Variants in OR4N2 observed in about 807,000 individuals in gnomAD.
OR4N2 encodes olfactory receptor family 4 subfamily N member 2.
For synonymous variants in OR4N2, 141 were observed against 140.4 expected (o/e 1.00, Z -0.03); for missense variants, 307 against 377.6 (o/e 0.81, Z 1.55).
intron 1 of OR4N2, among the ~76,000 whole-genome samples, chr14:19,808,206 T>A (rs1223405799): frequency 6.6e-6 from 1 of 152,196 alleles, no homozygotes; most frequent in Non-Finnish European, 1.5e-5. Context: ...CCACTCTTCT[T>A]CAATATAGGA....
rs1293120818 is a variant in OR4N2, at chr14:19,829,256, T to C, written c.*884T>C. Reference sequence around the variant, plus strand: ...TTTTCTAGAGCTTCATGATTACTCCTAGCAAATTTTTATGACTTTTAGCTG... The same window carrying C: ...TTTTCTAGAGCTTCATGATTACTCCCAGCAAATTTTTATGACTTTTAGCTG... On this transcript the variant is annotated 3_prime_UTR_variant, in exon 2 of 2. Coordinates refer to ENST00000557677, the MANE Select transcript of OR4N2 (RefSeq NM_001004723.3). 1 of 152,258 alleles carries C rather than the reference T, an allele frequency of 6.6e-6. No individual in the cohort carries two copies. Among genetic ancestry groups the C allele is most frequent in the Non-Finnish European group, 1.5e-5 (1 of 68,044 alleles). The allele number at this position is 152,258 out of a possible 1,614,324, so 9.4% of individuals were successfully genotyped here.
chr14:19,819,405 A>G (rs1269055339), intron 1 of OR4N2, among the ~76,000 whole-genome samples: 3 of 152,046 alleles, frequency 2.0e-5, no homozygotes, highest in Non-Finnish European at 4.4e-5. Context: ...TTTTTCTCCA[A>G]TCTTGTCGTC....
chr14:19,805,112 T>C (rs1879131081), intron 1 of OR4N2, among the ~76,000 whole-genome samples: 1 of 152,196 alleles, frequency 6.6e-6, no homozygotes, highest in South Asian at 2.1e-4. Flanking sequence ...GGGTCTCTTG[T>C]AGAGAGAATA....
At chr14:19,819,947 G>A (rs1382587931) in intron 1 of OR4N2, among the ~76,000 whole-genome samples, 1 of 152,270 alleles carries the variant, frequency 6.6e-6, no homozygotes, top group Non-Finnish European at 1.5e-5. Flanking sequence ...AGGCCCCTCT[G>A]CTGCAGGTCT....
rs2138486701 is a variant in OR4N2 at position 19,828,803 on chromosome 14, C to G, written c.*431C>G. On this transcript the variant is annotated 3_prime_UTR_variant, in exon 2 of 2. Coordinates refer to ENST00000557677, the MANE Select transcript of OR4N2 (RefSeq NM_001004723.3). ...ATCTAGACGGAGGGCACAGGTAGTG[C>G]AAAAACTCAAAGATGATGATGAACT... is the stretch of plus-strand genomic sequence containing the variant. 1 of 167,346 alleles carries G rather than the reference C, an allele frequency of 6.0e-6. No homozygotes were observed. Among genetic ancestry groups the G allele is most frequent in the South Asian group, 1.4e-4 (1 of 7,044 alleles). The allele number at this position is 167,346 out of a possible 1,614,324, so 10.4% of individuals were successfully genotyped here.
rs1594396138 is a variant in OR4N2 at position 19,814,266 on chromosome 14, G to A, written c.-10+10422G>A. ...CTTGTTTTAGTTGAGCAGAGTGAAA[G>A]TGAACAAATTACAAATACCAAGATC... On this transcript the variant is annotated intron_variant, in intron 1 of 1. Coordinates refer to ENST00000557677, the MANE Select transcript of OR4N2 (RefSeq NM_001004723.3). 2.6e-5 allele frequency among the ~76,000 whole-genome samples: 4 copies of A among 152,210 alleles called. No homozygotes were observed. In the South Asian group the frequency reaches 8.3e-4, roughly 31 times the overall value.
chr14:19,826,913 A>C (rs1261782642), intron 1 of OR4N2, among the ~76,000 whole-genome samples: 4 of 152,264 alleles, frequency 2.6e-5, no homozygotes, highest in African/African-American at 9.6e-5. Context: ...GAAGTAAATT[A>C]GATGATAAGA....
rs776583480 is a variant in OR4N2 at position 19,828,015 on chromosome 14, C to T, written c.567C>T (p.Cys189=). The change falls in exon 2 of 2, where the codon TGC becomes TGT. Residue 189 remains cysteine, a synonymous_variant. Transcript: ENST00000557677. ...TCCCACAGGTCATCAAGCTGGCCTG[C>T]ACCGACACATTTGTGGTGGAGCTTC... is the stretch of plus-strand genomic sequence containing the variant. ...CDVPQVIKLA[C]TDTFVVELLM... The T allele has an allele frequency of 1.2e-6, 2 of 1,614,260 alleles. No individual in the cohort carries two copies. Among genetic ancestry groups the T allele is most frequent in the Admixed American group, 3.3e-5 (2 of 60,028 alleles).
chr14:19,821,968 G>A (rs1701485220), intron 1 of OR4N2: 1 of 152,236 alleles, frequency 6.6e-6, no homozygotes, highest in Non-Finnish European at 1.5e-5. Context: ...AGTAACATAA[G>A]ATCCCTGAAG....
At chr14:19,827,313 G>A (rs1363716331) in intron 1 of OR4N2, 127 bp from the exon 2 acceptor site, 2 of 798,098 alleles carry the variant, frequency 2.5e-6, no homozygotes, top group African/African-American at 3.5e-5. Flanking sequence ...CCCAGAATAG[G>A]AGAGGGATGG....
intron 1 of OR4N2, among the ~76,000 whole-genome samples, chr14:19,811,214 A>G (rs1187495468): frequency 6.6e-6 from 1 of 152,246 alleles, no homozygotes; most frequent in Non-Finnish European, 1.5e-5. Flanking sequence ...ACAAGGAAAG[A>G]TGATTTCTCA....
In OR4N2 at chr14:19,827,630, T is replaced by A. The variant is rs1438814828; in HGVS notation, c.182T>A (p.Phe61Tyr). 5 of 1,614,012 alleles carry A rather than the reference T, an allele frequency of 3.1e-6. No homozygotes were observed. The African/African-American group carries it at 6.7e-5, about 22-fold the overall frequency. ...SDPGLTAPLY[F>Y]FLGNLAFLDA... ...CCTGGGCTCACAGCCCCCCTCTATT[T>A]CTTTCTGGGCAACTTGGCCTTCCTG... is the stretch of plus-strand genomic sequence containing the variant. Residue 61 changes from phenylalanine to tyrosine, a missense_variant, in exon 2 of 2, where the codon TTC (phenylalanine) becomes TAC (tyrosine). Phe to Tyr is a conservative substitution (Grantham distance 22). Transcript: ENST00000557677.
chr14:19,811,729 T>C (rs1879301716), intron 1 of OR4N2, among the ~76,000 whole-genome samples: 1 of 152,230 alleles, frequency 6.6e-6, no homozygotes, highest in African/African-American at 2.4e-5. Flanking sequence ...AGGCAGAAAA[T>C]CATTTGTTTT....
At chr14:19,816,624 A>G (rs1786109773) in intron 1 of OR4N2, among the ~76,000 whole-genome samples, 2 of 152,252 alleles carry the variant, frequency 1.3e-5, no homozygotes, top group Admixed American at 6.5e-5. Flanking sequence ...TAAATATACA[A>G]TCATGTCATC....
intron 1 of OR4N2, among the ~76,000 whole-genome samples, chr14:19,818,544 C>T (rs537220563): frequency 5.9e-5 from 9 of 152,262 alleles, no homozygotes; most frequent in African/African-American, 2.2e-4. Flanking sequence ...GGTAAATTTT[C>T]CTCCATCCCT....
At chr14:19,811,789 G>A (rs186184980) in intron 1 of OR4N2, among the ~76,000 whole-genome samples, 1 of 152,302 alleles carries the variant, frequency 6.6e-6, no homozygotes, top group African/African-American at 2.4e-5. Flanking sequence ...GAAATGAAAG[G>A]GAGCCTCTCC....
At chr14:19,812,324 C>CTTTTTTTTTTTTTT (rs1879319064) in intron 1 of OR4N2, among the ~76,000 whole-genome samples, 1 of 98,180 alleles carries the variant, frequency 1.0e-5, no homozygotes, top group African/African-American at 3.5e-5. Flanking sequence ...CTTTTCTTTT[C>CTTTTTTTTTTTTTT]TTTTCTTTTT....
At chr14:19,816,983 A>G (rs1879442839) in intron 1 of OR4N2, among the ~76,000 whole-genome samples, 1 of 152,180 alleles carries the variant, frequency 6.6e-6, no homozygotes, top group African/African-American at 2.4e-5. Flanking sequence ...TGTTTATGTG[A>G]TGGATTATGT....
At chr14:19,820,621 C>T (rs1052719691) in intron 1 of OR4N2, among the ~76,000 whole-genome samples, 3 of 152,242 alleles carry the variant, frequency 2.0e-5, no homozygotes, top group Non-Finnish European at 2.9e-5. Context: ...TTCAGAGATA[C>T]CCTGCCCAGA....
Sources: gnomAD v4.1 joint callset for allele counts (sites outside exome capture counted in the v4.1 genomes callset) on GRCh38, gnomAD v4.1.1 for gene constraint, MANE v1.5 for transcripts, NCBI Gene and HGNC (gene_info 2026-07-23, HGNC 2026-07-21) for gene names.